The following PCDH15 variants were observed in gnomAD, a reference collection of about 807,000 sequenced individuals.
The protein encoded by PCDH15 is protocadherin related 15, also known as protocadherin-15.
In PCDH15, 129 loss-of-function variants were observed where a neutral mutation model predicts 178.5. The ratio of observed to expected loss-of-function variants is 0.72; its 90% CI spans 0.63 to 0.84. PCDH15 has a LOEUF of 0.84. Ranked by LOEUF, PCDH15 falls within the 40% of genes least tolerant of loss-of-function variation. The probability of loss-of-function intolerance (pLI) is 0.00; values close to 1 mark genes in which losing one functional copy is unlikely to be tolerated. For missense variants in PCDH15, 2,230 were observed against 2,099.9 expected (o/e 1.06, Z -1.21); for synonymous variants, 800 against 732.0 (o/e 1.09, Z -1.50).
chr10:54,416,420 C>T (rs1316900525), intron 3 of PCDH15, among the ~76,000 whole-genome samples: 2 of 152,034 alleles, frequency 1.3e-5, no homozygotes, highest in Non-Finnish European at 2.9e-5. Flanking sequence ...ATGATATCTT[C>T]GAGCTTCATC....
intron 16 of PCDH15, among the ~76,000 whole-genome samples, chr10:54,079,846 T>C (rs968648121): frequency 2.6e-5 from 4 of 152,202 alleles, no homozygotes; most frequent in Non-Finnish European, 5.9e-5. Context: ...TGTATGTCCA[T>C]TATGAAAATG....
intron 3 of PCDH15, among the ~76,000 whole-genome samples, chr10:54,415,152 A>G (rs530136631): frequency 6.6e-6 from 1 of 152,212 alleles, no homozygotes; most frequent in East Asian, 1.9e-4. Context: ...TATGATAAGA[A>G]AGTACATTGT....
At chr10:53,878,126 T>A (rs990499128) in intron 26 of PCDH15, among the ~76,000 whole-genome samples, 3 of 149,430 alleles carry the variant, frequency 2.0e-5, no homozygotes, top group East Asian at 3.9e-4. Flanking sequence ...CTACCTTAAA[T>A]GAAATGTCTT....
Position 55,296,162 on chromosome 10 carries a change from G to C in PCDH15, c.-156+23437C>G, listed in dbSNP as rs138165487. Among the ~76,000 whole-genome samples the C allele has an allele frequency of 5.5e-3, 835 of 152,216 alleles. 10 individuals are homozygous for C. The highest frequency in any genetic ancestry group is 0.018 in the African/African-American group (762 of 41,532). On this transcript the variant is annotated intron_variant, in intron 1 of 5. Transcript: ENST00000458638. ...TGTGGAGCTTCCATGGTTTTTCAAG[G>C]TGTGCTACCCTCCCAACACCTCCAT...
At chr10:54,512,816 A>T (rs954369110) in intron 3 of PCDH15, among the ~76,000 whole-genome samples, 7 of 152,098 alleles carry the variant, frequency 4.6e-5, no homozygotes, top group Non-Finnish European at 1.0e-4. Context: ...TATACTCTTT[A>T]AAAATGTCAT....
At chr10:54,217,797 TC>T (rs2052270371) in intron 9 of PCDH15, among the ~76,000 whole-genome samples, 1 of 152,188 alleles carries the variant, frequency 6.6e-6, no homozygotes, top group South Asian at 2.1e-4. Context: ...AGAGCTGATT[TC>T]AGGTCCAGGG....
intron 2 of PCDH15, among the ~76,000 whole-genome samples, chr10:55,541,953 A>G (rs975936670): frequency 6.6e-6 from 1 of 151,778 alleles, no homozygotes; most frequent in African/African-American, 2.4e-5. Flanking sequence ...ATTTATCTCA[A>G]TTATGCTACA....
At chr10:53,829,156 T>A (rs1157060605) in intron 30 of PCDH15, among the ~76,000 whole-genome samples, 1 of 152,214 alleles carries the variant, frequency 6.6e-6, no homozygotes, top group African/African-American at 2.4e-5. Flanking sequence ...AATATCAAGG[T>A]ACAAATGTTA....
At chr10:54,392,191 A>C in intron 3 of PCDH15, among the ~76,000 whole-genome samples, 1 of 152,234 alleles carries the variant, frequency 6.6e-6, no homozygotes, top group Non-Finnish European at 1.5e-5. Context: ...TTGGCCGGGC[A>C]TGGCGGCTTA....
intron 3 of PCDH15, among the ~76,000 whole-genome samples, chr10:54,456,794 G>A (rs2076852702): frequency 2.6e-5 from 4 of 152,078 alleles, no homozygotes; most frequent in South Asian, 2.1e-4. Context: ...TAATCGTGGG[G>A]TTGGTTACCC....
At chr10:53,930,482 AAAAAG>A (rs2084960203) in intron 25 of PCDH15, among the ~76,000 whole-genome samples, 1 of 150,496 alleles carries the variant, frequency 6.6e-6, no homozygotes, top group Non-Finnish European at 1.5e-5. Context: ...AAAAAAAAAA[AAAAAG>A]AAATAGCAAC....
chr10:54,179,782 A>C (rs2047804036), intron 13 of PCDH15, among the ~76,000 whole-genome samples: 1 of 152,188 alleles, frequency 6.6e-6, no homozygotes, highest in African/African-American at 2.4e-5. Flanking sequence ...ATACTTTAAA[A>C]GTTCCTCAGG....
intron 2 of PCDH15, among the ~76,000 whole-genome samples, chr10:54,577,879 TAA>T (rs1479562012): frequency 3.1e-4 from 46 of 150,594 alleles, no homozygotes; most frequent in South Asian, 1.0e-3. Flanking sequence ...AATAAATAAA[TAA>T]ATAAATAAAT....
At chr10:55,063,509 C>T (rs564738770) in intron 2 of PCDH15, among the ~76,000 whole-genome samples, 16 of 152,126 alleles carry the variant, frequency 1.1e-4, no homozygotes, top group African/African-American at 3.6e-4. Context: ...TTGTAAGGCA[C>T]TAAAGAATGG....
chr10:55,289,553 T>C (rs1254698818), intron 1 of PCDH15, among the ~76,000 whole-genome samples: 1 of 151,732 alleles, frequency 6.6e-6, no homozygotes, highest in Non-Finnish European at 1.5e-5. Context: ...AGAGATGATC[T>C]AAAAAGAAGA....
intron 2 of PCDH15, among the ~76,000 whole-genome samples, chr10:55,518,131 A>AC (rs1841065310): frequency 6.6e-6 from 1 of 152,040 alleles, no homozygotes; most frequent in Non-Finnish European, 1.5e-5. Flanking sequence ...TTCACATAGA[A>AC]TAACTCTCTT....
intron 8 of PCDH15, among the ~76,000 whole-genome samples, chr10:54,239,414 A>AATATATAT (rs67769627): frequency 2.2e-5 from 3 of 138,208 alleles, no homozygotes; most frequent in African/African-American, 9.2e-5. Flanking sequence ...CCTGTGATTA[A>AATATATAT]ATATATATAT....
intron 2 of PCDH15, chr10:54,606,525 CAGAA>C (rs1250585437): frequency 6.6e-6 from 1 of 151,996 alleles, no homozygotes; most frequent in Non-Finnish European, 1.5e-5. Flanking sequence ...TTCTTGCTAT[CAGAA>C]AGAGAGAAGG....
intron 8 of PCDH15, among the ~76,000 whole-genome samples, chr10:54,289,949 T>A (rs1157269330): frequency 1.3e-5 from 2 of 152,052 alleles, no homozygotes; most frequent in Non-Finnish European, 1.5e-5. Context: ...ATGGGGAGAA[T>A]GGAACCAAGT....
Sources: allele counts gnomAD v4.1 joint callset (sites outside exome capture counted in the v4.1 genomes callset), GRCh38; gene constraint gnomAD v4.1.1; transcripts MANE v1.5; gene names NCBI Gene and HGNC (gene_info 2026-07-23, HGNC 2026-07-21).